The following ZNF568 variants were observed in gnomAD, a reference collection of about 807,000 sequenced individuals.
ZNF568 encodes the protein p53 inhibitor of SCO2 activation.
ZNF568 carries 11 observed loss-of-function variants against 18.1 expected under a neutral mutation model. That is an observed-to-expected ratio of 0.61 (90% CI 0.38 to 1.00). The LOEUF is 1.00. ZNF568 is among the 50% of genes least tolerant of loss of function. The probability of loss-of-function intolerance (pLI) is 0.01; values close to 1 mark genes in which losing one functional copy is unlikely to be tolerated. For synonymous variants in ZNF568, 213 were observed against 246.6 expected, an observed-to-expected ratio of 0.86 and a Z score of 1.28; for missense variants, 639 against 768.2, an observed-to-expected ratio of 0.83 and a Z score of 1.99.
At position 36,931,199 on chromosome 19, in the gene ZNF568, T is replaced by G. The variant is rs1046183564; in HGVS notation, c.136-5547T>G. On this transcript the variant is annotated intron_variant, in intron 4 of 6. Transcript: ENST00000333987. ...TCATTTGCTGTCTCACTGGAGCACATGAGCCAAGGTAAAGGGTGTAAGCAA... is the reference window on the plus strand; with the variant it reads ...TCATTTGCTGTCTCACTGGAGCACAGGAGCCAAGGTAAAGGGTGTAAGCAA... 8.5e-4 allele frequency among the ~76,000 whole-genome samples: 129 copies of G among 152,282 alleles called. 2 individuals are homozygous for G. Among genetic ancestry groups the G allele is most frequent in the Middle Eastern group, 6.8e-3 (2 of 294 alleles).
intron 4 of ZNF568, among the ~76,000 whole-genome samples, chr19:36,993,346 T>G (rs1257691635): frequency 1.3e-5 from 2 of 152,220 alleles, no homozygotes. Context: ...GGTTTGGTCT[T>G]TTTTGTTGAA....
chr19:36,988,364 T>C (rs2074394472), intron 2 of ZNF568, among the ~76,000 whole-genome samples: 1 of 152,178 alleles, frequency 6.6e-6, no homozygotes, highest in Non-Finnish European at 1.5e-5. Context: ...AGAGGTTTAA[T>C]TGGCTCACAG....
Position 36,950,495 on chromosome 19 carries a change from T to G in ZNF568, c.1342T>G (p.Cys448Gly). ...RNHTAEKPYE[C>G]KECGKAFSRK... is the part of the protein sequence containing the mutation. ...TCATACAGCTGAGAAACCCTATGAA[T>G]GTAAGGAATGTGGAAAAGCCTTCAG... The change falls in exon 7 of 7, where the codon TGT becomes GGT. Residue 448 changes from cysteine to glycine, a missense_variant. Physicochemically the swap from Cys to Gly is radical, Grantham distance 159 (BLOSUM62 -3). Coordinates refer to ENST00000333987, the MANE Select transcript of ZNF568 (RefSeq NM_198539.4). The G allele has an allele frequency of 6.2e-7, 1 of 1,613,678 alleles. No homozygotes were observed.
exon 3 of ZNF568, chr19:36,991,252 T>G (rs1270643332): frequency 6.5e-7 from 1 of 1,536,028 alleles, no homozygotes; most frequent in Non-Finnish European, 8.7e-7. Flanking sequence ...CAGAAGGATT[T>G]GTACCGAGAT....
intron 6 of ZNF568, among the ~76,000 whole-genome samples, chr19:36,945,818 G>A (rs533404200): frequency 6.6e-6 from 1 of 152,054 alleles, no homozygotes; most frequent in African/African-American, 2.4e-5. Context: ...AACTGGCTGG[G>A]CGTGGTGTCT....
chr19:36,941,898 T>C (rs892724045), intron 6 of ZNF568, among the ~76,000 whole-genome samples: 2 of 152,048 alleles, frequency 1.3e-5, no homozygotes, highest in East Asian at 3.8e-4. Context: ...TCACCTCCTT[T>C]AGTCAATTAT....
At chr19:36,938,396 A>G (rs1369686905) in intron 6 of ZNF568, among the ~76,000 whole-genome samples, 1 of 152,212 alleles carries the variant, frequency 6.6e-6, no homozygotes, top group Non-Finnish European at 1.5e-5. Context: ...TATCAAATTA[A>G]CAAAGAAAAA....
intron 4 of ZNF568, among the ~76,000 whole-genome samples, chr19:36,992,093 A>AT (rs2074429705): frequency 6.6e-6 from 1 of 151,770 alleles, no homozygotes; most frequent in African/African-American, 2.4e-5. Context: ...ATACAAAAAA[A>AT]TTAGCCAGGC....
chr19:36,933,485 G>A (rs1456887135), intron 4 of ZNF568, among the ~76,000 whole-genome samples: 3 of 151,930 alleles, frequency 2.0e-5, no homozygotes, highest in Admixed American at 6.6e-5. Flanking sequence ...CTGCATTTAC[G>A]GAGATGATCT....
At chr19:36,967,659 G>C (rs1279474557) in intron 6 of ZNF568, among the ~76,000 whole-genome samples, 2 of 152,182 alleles carry the variant, frequency 1.3e-5, no homozygotes, top group Non-Finnish European at 2.9e-5. Flanking sequence ...GCTGGCTGCT[G>C]ATGCTTAAAA....
chr19:36,939,329 A>G (rs1030251029), intron 6 of ZNF568, among the ~76,000 whole-genome samples: 5 of 152,120 alleles, frequency 3.3e-5, no homozygotes, highest in African/African-American at 1.2e-4. Flanking sequence ...TCTGGCAAAA[A>G]AATGACTCAT....
rs534787580 is a variant in ZNF568, at chr19:36,968,564, T to C, written c.359-5856T>C. On this transcript the variant is annotated intron_variant, in intron 6 of 7. Transcript: ENST00000427117. The stretch of plus-strand genomic sequence containing the variant: ...TCTCCAAAAAAAAAAAAAAACTATA[T>C]ATATATATATGCATATGATTGTTAA... Among the ~76,000 whole-genome samples the C allele has an allele frequency of 2.0e-5, 3 of 149,408 alleles. No homozygotes were observed. The South Asian group carries it at 6.3e-4, about 31-fold the overall frequency.
At chr19:36,962,283 T>TG (rs58896929) in intron 6 of ZNF568, among the ~76,000 whole-genome samples, 1 of 142,044 alleles carries the variant, frequency 7.0e-6, no homozygotes, top group Non-Finnish European at 1.5e-5. Flanking sequence ...CAGTGTTTTT[T>TG]TTTTTTTTTT....
At chr19:36,977,673 A>G (rs183348962) in intron 7 of ZNF568, among the ~76,000 whole-genome samples, 31 of 152,298 alleles carry the variant, frequency 2.0e-4, no homozygotes, top group Admixed American at 1.1e-3. Flanking sequence ...CATGCCCTGC[A>G]CACTGGTGGG....
chr19:36,936,393 G>C (rs754616065), intron 4 of ZNF568, among the ~76,000 whole-genome samples: 10 of 150,840 alleles, frequency 6.6e-5, no homozygotes, highest in African/African-American at 2.5e-4. Context: ...TGTTTGTGTT[G>C]ATTCAAGTTC....
intron 5 of ZNF568, 118 bp from the exon 6 acceptor site, chr19:36,937,029 C>G: frequency 7.4e-7 from 1 of 1,357,924 alleles, no homozygotes; most frequent in Non-Finnish European, 1.0e-6. Flanking sequence ...TACTTTGTGT[C>G]ATTGTGTAAG....
chr19:36,951,922 C>T lies in ZNF568; in HGVS notation c.*834C>T. ...TGGGGTTTACAGGCTTGAGCCACTG[C>T]ACCTGGCCAAAAAATTAACATTCTA... is the stretch of plus-strand genomic sequence containing the variant. On this transcript the variant is annotated 3_prime_UTR_variant, in exon 7 of 7. Coordinates refer to ENST00000333987, the MANE Select transcript of ZNF568 (RefSeq NM_198539.4). 1 of 984,244 alleles carries T rather than the reference C, an allele frequency of 1.0e-6. No individual in the cohort carries two copies. The highest frequency in any genetic ancestry group is 1.2e-6 in the Non-Finnish European group (1 of 829,696). 61.0% of individuals were successfully genotyped at this position (984,244 alleles called of 1,614,324 possible).
chr19:36,918,798 C>T (rs912021390), intron 2 of ZNF568, among the ~76,000 whole-genome samples: 1 of 152,178 alleles, frequency 6.6e-6, no homozygotes, highest in Non-Finnish European at 1.5e-5. Flanking sequence ...CTGTACCCCC[C>T]TTTCCCCCGG....
chr19:36,990,385 C>T (rs1306483256), intron 2 of ZNF568, among the ~76,000 whole-genome samples: 1 of 152,112 alleles, frequency 6.6e-6, no homozygotes. Context: ...GAGGCCAAGG[C>T]GGGTAGATCA....
Sources: gnomAD v4.1 joint callset for allele counts (sites outside exome capture counted in the v4.1 genomes callset) on GRCh38, gnomAD v4.1.1 for gene constraint, MANE v1.5 for transcripts, NCBI Gene and HGNC (gene_info 2026-07-23, HGNC 2026-07-21) for gene names.